Variants in TMTC2 observed in about 807,000 individuals in gnomAD.
The protein encoded by TMTC2 is protein O-mannosyl-transferase TMTC2.
A neutral mutation model predicts 82.4 loss-of-function variants in TMTC2; 43 were observed. The ratio of observed to expected loss-of-function variants is 0.52; its 90% confidence interval spans 0.41 to 0.67. TMTC2 has a LOEUF of 0.67. Ranked by LOEUF, TMTC2 falls within the 30% of genes least tolerant of loss-of-function variation. The pLI is 0.00. For synonymous variants in TMTC2, 408 were observed against 381.9 expected (o/e 1.07, Z -0.80); for missense variants, 919 against 1,012.4 (o/e 0.91, Z 1.25).
At chr12:83,005,840 T>C (rs1184153079) in intron 8 of TMTC2, among the ~76,000 whole-genome samples, 1 of 152,184 alleles carries the variant, frequency 6.6e-6, no homozygotes, top group African/African-American at 2.4e-5. Flanking sequence ...GATGTGCAGA[T>C]CTGACACACC....
rs1043754110 is a variant in TMTC2 at position 83,043,166 on chromosome 12, G to C, written c.2153-7738G>C. On this transcript the variant is annotated intron_variant, in intron 9 of 11. Transcript: ENST00000321196. ...GACTCAGAAAAAGACACTCAGCAAGGCTCCTTTCAGAGAGGCAGAAAGAGA... is the reference window on the plus strand; with the variant it reads ...GACTCAGAAAAAGACACTCAGCAAGCCTCCTTTCAGAGAGGCAGAAAGAGA... Among the ~76,000 whole-genome samples the C allele has an allele frequency of 1.1e-4, 16 of 152,246 alleles. 1 individual carries two copies. The highest frequency in any genetic ancestry group is 2.6e-4 in the African/African-American group (11 of 41,536).
intron 1 of TMTC2, among the ~76,000 whole-genome samples, chr12:82,820,140 GTTC>G (rs1209156999): frequency 6.6e-6 from 1 of 152,130 alleles, no homozygotes; most frequent in East Asian, 1.9e-4. Context: ...GTCTTTCCAT[GTTC>G]TTCTGCCTGC....
intron 1 of TMTC2, among the ~76,000 whole-genome samples, chr12:82,722,614 C>T (rs1050946758): frequency 1.1e-4 from 16 of 148,910 alleles, no homozygotes; most frequent in African/African-American, 3.2e-4. Flanking sequence ...TGGTGGTGCA[C>T]GCCTGTGATC....
chr12:82,787,648 C>T (rs1338325231), intron 1 of TMTC2, among the ~76,000 whole-genome samples: 1 of 152,082 alleles, frequency 6.6e-6, no homozygotes, highest in Non-Finnish European at 1.5e-5. Flanking sequence ...GTTGCTCACT[C>T]CTGTAATCCC....
At chr12:83,033,756 AAAAT>A (rs1274557755) in intron 9 of TMTC2, among the ~76,000 whole-genome samples, 29 of 151,856 alleles carry the variant, frequency 1.9e-4, no homozygotes, top group Non-Finnish European at 3.1e-4. Context: ...TGTCTCAAAA[AAAAT>A]AAATAAATAA....
chr12:83,068,089 A>G (rs1440020434), intron 11 of TMTC2, among the ~76,000 whole-genome samples: 1 of 152,118 alleles, frequency 6.6e-6, no homozygotes, highest in Admixed American at 6.6e-5. Flanking sequence ...GAGAAGAATC[A>G]AATAAATGAG....
intron 8 of TMTC2, among the ~76,000 whole-genome samples, chr12:83,026,445 T>C (rs75979492): frequency 6.8e-4 from 104 of 152,204 alleles, no homozygotes; most frequent in African/African-American, 2.4e-3. Flanking sequence ...CTCAAAATCA[T>C]AATGCAATGC....
rs577959911 is a variant in TMTC2 at position 83,100,858 on chromosome 12, C to T, written c.2332-31352C>T. Among the ~76,000 whole-genome samples the T allele has an allele frequency of 1.8e-4, 27 of 152,254 alleles. No homozygotes were observed. In the South Asian group the frequency reaches 2.1e-3, roughly 12 times the overall value. On this transcript the variant is annotated intron_variant, in intron 11 of 11. Transcript: ENST00000321196. ...CTGATAAACACTGAAATAGCTATTA[C>T]GAAGCCTCTGGAAGCTTCTTTCAGA...
chr12:82,726,781 A>T lies in TMTC2; in HGVS notation c.83+39112A>T, dbSNP rs552789657. 2.0e-5 allele frequency among the ~76,000 whole-genome samples: 3 copies of T among 147,474 alleles called. No individual in the cohort carries two copies. In the South Asian group the frequency reaches 6.9e-4, roughly 34 times the overall value. ...GTAGTCCCAGCTACTCGGGAGGCTG[A>T]GGTAGGAGAATGGCGTGAACCCAGG... is the stretch of plus-strand genomic sequence containing the variant. On this transcript the variant is annotated intron_variant, in intron 1 of 11. Coordinates refer to ENST00000321196, the MANE Select transcript of TMTC2 (RefSeq NM_152588.3).
At chr12:82,891,158 A>G (rs1243694725) in intron 2 of TMTC2, among the ~76,000 whole-genome samples, 1 of 152,196 alleles carries the variant, frequency 6.6e-6, no homozygotes, top group Non-Finnish European at 1.5e-5. Context: ...TTTAATCCAT[A>G]AACCATAGCA....
intron 1 of TMTC2, among the ~76,000 whole-genome samples, chr12:82,848,221 C>G (rs1162305318): frequency 1.3e-5 from 2 of 152,070 alleles, no homozygotes; most frequent in Non-Finnish European, 2.9e-5. Context: ...TCCATCCATA[C>G]TTAACTGTAT....
intron 1 of TMTC2, among the ~76,000 whole-genome samples, chr12:82,814,292 G>A (rs1289374080): frequency 2.0e-5 from 3 of 152,052 alleles, no homozygotes; most frequent in Non-Finnish European, 4.4e-5. Flanking sequence ...TTGAAGAAGG[G>A]GAACTATCCA....
At chr12:82,824,008 C>T (rs1277123458) in intron 1 of TMTC2, among the ~76,000 whole-genome samples, 2 of 151,858 alleles carry the variant, frequency 1.3e-5, no homozygotes, top group Non-Finnish European at 2.9e-5. Flanking sequence ...ATTCTTGTGC[C>T]TCAGCCTCTC....
intron 2 of TMTC2, among the ~76,000 whole-genome samples, chr12:82,865,068 A>AG (rs1178128839): frequency 1.3e-5 from 2 of 150,896 alleles, no homozygotes; most frequent in African/African-American, 4.9e-5. Flanking sequence ...CAAAAAAAAA[A>AG]AAAAAAATAG....
chr12:82,965,285 T>A (rs1012596847), intron 5 of TMTC2, among the ~76,000 whole-genome samples, 176 bp downstream of exon 5: 4 of 151,710 alleles, frequency 2.6e-5, no homozygotes, highest in African/African-American at 7.3e-5. Flanking sequence ...TGTCCATTGA[T>A]CATTAAAAAA....
chr12:83,086,064 CT>C (rs112712717), intron 11 of TMTC2, among the ~76,000 whole-genome samples: 30,646 of 144,604 alleles, frequency 0.21, 4,038 homozygotes, highest in African/African-American at 0.38. Flanking sequence ...TGATTGTTTT[CT>C]TTTTTTTTTT....
intron 3 of TMTC2, among the ~76,000 whole-genome samples, chr12:82,929,883 G>A (rs1248679150): frequency 6.6e-6 from 1 of 152,118 alleles, no homozygotes; most frequent in Non-Finnish European, 1.5e-5. Flanking sequence ...AGGGAAGTGA[G>A]CTCATAAGCA....
chr12:82,886,964 A>G (rs899943505), intron 2 of TMTC2, among the ~76,000 whole-genome samples: 1 of 152,200 alleles, frequency 6.6e-6, no homozygotes, highest in African/African-American at 2.4e-5. Context: ...TTACTGACAT[A>G]AGAAAAGTGA....
intron 11 of TMTC2, among the ~76,000 whole-genome samples, chr12:83,098,273 A>G (rs1360133199): frequency 6.6e-6 from 1 of 152,234 alleles, no homozygotes; most frequent in Non-Finnish European, 1.5e-5. Flanking sequence ...TTTTTCCTCC[A>G]GCAGCTATGC....
Sources: allele counts gnomAD v4.1 joint callset (sites outside exome capture counted in the v4.1 genomes callset), GRCh38; gene constraint gnomAD v4.1.1; transcripts MANE v1.5; gene names NCBI Gene and HGNC (gene_info 2026-07-23, HGNC 2026-07-21).